The following PLAGL1 variants were observed in gnomAD, a reference collection of about 807,000 sequenced individuals.
PLAGL1 encodes the protein PLAG1 like zinc finger 1, also known as zinc finger protein PLAGL1.
A neutral mutation model predicts 4.6 loss-of-function variants in PLAGL1; 1 was observed. That is an observed-to-expected ratio of 0.22 (90% CI 0.08 to 1.03). The LOEUF is 1.03. PLAGL1 is among the 50% of genes least tolerant of loss of function. PLAGL1 has a pLI of 0.58. For synonymous variants in PLAGL1, 240 were observed against 237.8 expected (o/e 1.01, Z -0.08); for missense variants, 464 against 570.4 (o/e 0.81, Z 1.90).
chr6:144,048,227 G>A lies in PLAGL1; in HGVS notation c.-151+16241C>T, dbSNP rs1313628368. On this transcript the variant is annotated intron_variant, in intron 1 of 3. Coordinates refer to the PLAGL1 transcript ENST00000437412. This position sits in a 1 kb window ranked among gnomAD's most constrained non-coding sequence, Gnocchi z 4.8. Reference sequence around the variant, plus strand: ...TCCCTCTTGGCTGCTTTCATGGGCTGGCATTGAGTGTTGGTGGCTTTTCCA... The same window carrying A: ...TCCCTCTTGGCTGCTTTCATGGGCTAGCATTGAGTGTTGGTGGCTTTTCCA... Among the ~76,000 whole-genome samples the A allele has an allele frequency of 6.6e-6, 1 of 152,160 alleles. No homozygotes were observed. Among genetic ancestry groups the A allele is most frequent in the East Asian group, 1.9e-4 (1 of 5,188 alleles).
At chr6:143,977,653 T>C (rs1458973785) in intron 2 of PLAGL1, among the ~76,000 whole-genome samples, 1 of 151,552 alleles carries the variant, frequency 6.6e-6, no homozygotes, top group Non-Finnish European at 1.5e-5. Flanking sequence ...GCGCCCACCA[T>C]CATGCCAGGC....
chr6:143,994,015 A>G lies in PLAGL1; in HGVS notation c.-583-8841T>C, dbSNP rs1208126568. Among the ~76,000 whole-genome samples, 1 of 151,748 alleles carries G rather than the reference A, an allele frequency of 6.6e-6. No individual in the cohort carries two copies. ...GTTCCCAACTAGGGCAAATTCTCAA[A>G]TGTTCACTTCATATATGGCTAAGGA... On this transcript the variant is annotated intron_variant, in intron 1 of 7. Transcript: ENST00000674357. This position sits in a 1 kb window ranked among gnomAD's most constrained non-coding sequence, Gnocchi z 4.3.
Position 144,013,739 on chromosome 6 carries a change from G to A in PLAGL1, c.-150-44761C>T, listed in dbSNP as rs185928944. 3.3e-5 allele frequency among the ~76,000 whole-genome samples: 5 copies of A among 152,296 alleles called. No individual in the cohort carries two copies. Among genetic ancestry groups the A allele is most frequent in the Admixed American group, 2.6e-4 (4 of 15,304 alleles). On this transcript the variant is annotated intron_variant, in intron 1 of 3. Coordinates refer to the PLAGL1 transcript ENST00000437412. This position sits in a 1 kb window ranked among gnomAD's most constrained non-coding sequence, Gnocchi z 4.4. ...CCTCCATCTTCACAACGCCTTCTCT[G>A]TGCGTGCCATGTGCTTTCTCCTGTG...
intron 2 of PLAGL1, among the ~76,000 whole-genome samples, chr6:143,977,079 C>T (rs186095615): frequency 7.6e-6 from 1 of 131,604 alleles, no homozygotes; most frequent in Non-Finnish European, 1.7e-5. Flanking sequence ...CCCATATACT[C>T]CCTTCCCCCC....
At position 143,952,880 on chromosome 6, in the gene PLAGL1, T is replaced by C. The variant is rs1583136911; in HGVS notation, c.-324-4420A>G. 6.6e-6 allele frequency among the ~76,000 whole-genome samples: 1 copy of C among 152,234 alleles called. No individual in the cohort carries two copies. The highest frequency in any genetic ancestry group is 2.1e-4 in the South Asian group (1 of 4,824). ...TCAATATCAGTTCTTTGAAGGACTT[T>C]GGTAGCAGTCTCTATCAAATTTAAA... On this transcript the variant is annotated intron_variant, in intron 6 of 7. Coordinates refer to ENST00000674357, the MANE Select transcript of PLAGL1 (RefSeq NM_001317162.2). The surrounding 1 kb of genome is among the most constrained non-coding windows in gnomAD (Gnocchi z 6.1).
In PLAGL1 at chr6:144,056,016, G is replaced by T. The variant is rs1798937102; in HGVS notation, c.-151+8452C>A. Among the ~76,000 whole-genome samples, 1 of 151,958 alleles carries T rather than the reference G, an allele frequency of 6.6e-6. No individual in the cohort carries two copies. Among genetic ancestry groups the T allele is most frequent in the Non-Finnish European group, 1.5e-5 (1 of 67,972 alleles). ...CAGAAGTTCAACATATAAGACAGAA[G>T]TACCACAGAGAAGTTCAACATGGTA... is the stretch of plus-strand genomic sequence containing the variant. On this transcript the variant is annotated intron_variant, in intron 1 of 3. Coordinates refer to the PLAGL1 transcript ENST00000437412. The surrounding 1 kb of genome is among the most constrained non-coding windows in gnomAD (Gnocchi z 4.7).
rs1212511947 is a variant in PLAGL1 at position 143,959,341 on chromosome 6, A to T, written c.-325+1128T>A. ...GACTCGCCACTGAATACTTCGGCAG[A>T]CACATTCCAGGATCTTCCTGGCTAG... On this transcript the variant is annotated intron_variant, in intron 6 of 7. Transcript: ENST00000674357. The surrounding 1 kb of genome is among the most constrained non-coding windows in gnomAD (Gnocchi z 5.3). Among the ~76,000 whole-genome samples, 2 of 152,098 alleles carry T rather than the reference A, an allele frequency of 1.3e-5. No homozygotes were observed. Among genetic ancestry groups the T allele is most frequent in the African/African-American group, 4.8e-5 (2 of 41,418 alleles).
rs1788151482 is a variant in PLAGL1, at chr6:143,982,384, G to A, written c.-544+2751C>T. 6.6e-6 allele frequency among the ~76,000 whole-genome samples: 1 copy of A among 152,180 alleles called. No individual in the cohort carries two copies. Among genetic ancestry groups the A allele is most frequent in the Non-Finnish European group, 1.5e-5 (1 of 68,024 alleles). On this transcript the variant is annotated intron_variant, in intron 2 of 7. Coordinates refer to ENST00000674357, the MANE Select transcript of PLAGL1 (RefSeq NM_001317162.2). The surrounding 1 kb of genome is among the most constrained non-coding windows in gnomAD (Gnocchi z 5.3). ...AAAACTGGTATGGCTAAAGCAGTCAGTGAAGGGAAGCGGTAAAAGATTAGG... is the reference window on the plus strand; with the variant it reads ...AAAACTGGTATGGCTAAAGCAGTCAATGAAGGGAAGCGGTAAAAGATTAGG...
Position 143,975,612 on chromosome 6 carries a change from T to C in PLAGL1, c.-543-6634A>G, listed in dbSNP as rs529066793. 3.9e-5 allele frequency among the ~76,000 whole-genome samples: 6 copies of C among 152,348 alleles called. No homozygotes were observed. The South Asian group carries it at 1.2e-3, about 32-fold the overall frequency. On this transcript the variant is annotated intron_variant, in intron 2 of 7. Transcript: ENST00000674357. This position sits in a 1 kb window ranked among gnomAD's most constrained non-coding sequence, Gnocchi z 5.8. ...GACATAAAATTTAACATTCAGTCTC[T>C]AGATTGCATGATTCCTTGCATTAAA...
intron 1 of PLAGL1, among the ~76,000 whole-genome samples, chr6:144,030,349 A>T (rs1354533673): frequency 4.0e-5 from 6 of 151,164 alleles, no homozygotes; most frequent in Admixed American, 2.6e-4. Context: ...GCTTTTTAAA[A>T]TTTTTTTATT....
intron 1 of PLAGL1, among the ~76,000 whole-genome samples, chr6:144,047,039 T>A (rs1798211100): frequency 6.6e-6 from 1 of 152,218 alleles, no homozygotes; most frequent in Non-Finnish European, 1.5e-5. Context: ...TGCCGTTTGC[T>A]AAGACCATTG....
chr6:143,967,643 T>G (rs1192887590), intron 3 of PLAGL1: 1 of 152,166 alleles, frequency 6.6e-6, no homozygotes, highest in Non-Finnish European at 1.5e-5. Context: ...GTCCTACAGG[T>G]GCCATAAAGC....
rs368357054 is a variant in PLAGL1, at chr6:143,963,340, A to G, written c.-399+1447T>C. ...TCCCGCAGCTCTCGGGATACCTTGC[A>G]GTGCCCCTTCAAGGTCACATGGTGG... On this transcript the variant is annotated intron_variant, in intron 5 of 7. Transcript: ENST00000674357. This position sits in a 1 kb window ranked among gnomAD's most constrained non-coding sequence, Gnocchi z 6.1. Among the ~76,000 whole-genome samples the G allele has an allele frequency of 9.2e-5, 14 of 152,320 alleles. No homozygotes were observed. In the South Asian group the frequency reaches 2.7e-3, roughly 29 times the overall value.
intron 1 of PLAGL1, among the ~76,000 whole-genome samples, chr6:144,017,170 A>G (rs1795621017): frequency 6.6e-6 from 1 of 152,230 alleles, no homozygotes; most frequent in African/African-American, 2.4e-5. Flanking sequence ...CACAATATAA[A>G]TAACCCTTAA....
At chr6:143,976,887 C>T (rs1012662476) in intron 2 of PLAGL1, among the ~76,000 whole-genome samples, 2 of 152,206 alleles carry the variant, frequency 1.3e-5, no homozygotes, top group Admixed American at 6.5e-5. Context: ...CTAACATAGA[C>T]ATGTAGTGCT....
At chr6:144,032,355 C>T (rs1309852172) in intron 1 of PLAGL1, among the ~76,000 whole-genome samples, 2 of 149,070 alleles carry the variant, frequency 1.3e-5, no homozygotes, top group African/African-American at 2.5e-5. Context: ...AAGTCCTGGG[C>T]TCAAGTGATC....
chr6:144,019,993 C>T (rs1208966575), intron 1 of PLAGL1, among the ~76,000 whole-genome samples: 1 of 151,940 alleles, frequency 6.6e-6, no homozygotes, highest in Non-Finnish European at 1.5e-5. Context: ...AATCATAATC[C>T]CCAATGTGAT....
In PLAGL1 at chr6:144,000,944, A is replaced by T. The variant is rs1482560865; in HGVS notation, c.-584+7146T>A. Among the ~76,000 whole-genome samples, 1 of 152,182 alleles carries T rather than the reference A, an allele frequency of 6.6e-6. No homozygotes were observed. ...TGCAGAAAAAGCATTTGACAAAATT[A>T]AAAATAGAGTATACGTACATATAAC... On this transcript the variant is annotated intron_variant, in intron 1 of 7. Coordinates refer to ENST00000674357, the MANE Select transcript of PLAGL1 (RefSeq NM_001317162.2). The surrounding 1 kb of genome is among the most constrained non-coding windows in gnomAD (Gnocchi z 4.1).
intron 1 of PLAGL1, among the ~76,000 whole-genome samples, chr6:144,047,353 T>A (rs1798242858): frequency 6.6e-6 from 1 of 152,146 alleles, no homozygotes; most frequent in African/African-American, 2.4e-5. Flanking sequence ...TCCAACTATT[T>A]ACCTACCTTA....
Sources: gnomAD v4.1 joint callset for allele counts (sites outside exome capture counted in the v4.1 genomes callset) on GRCh38, gnomAD v4.1.1 for gene constraint, Gnocchi (gnomAD v3.1) non-coding constraint, MANE v1.5 for transcripts, NCBI Gene and HGNC (gene_info 2026-07-23, HGNC 2026-07-21) for gene names.